Variants in UNC5D observed in about 807,000 individuals in gnomAD.
UNC5D encodes the protein netrin receptor UNC5D.
UNC5D carries 39 observed loss-of-function variants against 105.4 expected under a neutral mutation model. That is an observed-to-expected ratio of 0.37 (90% CI 0.29 to 0.48). The LOEUF (loss-of-function observed/expected upper bound fraction) is 0.48. UNC5D is among the 20% of genes least tolerant of loss of function. UNC5D has a pLI of 0.98. For synonymous variants in UNC5D, 452 were observed against 450.4 expected (o/e 1.00, Z -0.04); for missense variants, 991 against 1,202.4 (o/e 0.82, Z 2.60).
intron 2 of UNC5D, 43 bp from the exon 3 acceptor site, chr8:35,568,055 T>C (rs1327212802): frequency 1.9e-6 from 3 of 1,601,338 alleles, no homozygotes. Context: ...TTGAGAAATA[T>C]AACAGCCTCA....
intron 8 of UNC5D, among the ~76,000 whole-genome samples, chr8:35,709,698 C>CAAAAT (rs532334032): frequency 1.3e-5 from 2 of 151,916 alleles, no homozygotes; most frequent in Non-Finnish European, 2.9e-5. Context: ...AAAAATAAAA[C>CAAAAT]AAAATAAAAT....
intron 3 of UNC5D, among the ~76,000 whole-genome samples, chr8:35,569,467 CA>C (rs1157927419): frequency 8.5e-5 from 13 of 152,130 alleles, no homozygotes; most frequent in Non-Finnish European, 1.8e-4. Context: ...TTTATGTTCC[CA>C]GGGGGAATGA....
intron 1 of UNC5D, among the ~76,000 whole-genome samples, chr8:35,345,167 A>G (rs922927752): frequency 1.3e-5 from 2 of 152,098 alleles, no homozygotes; most frequent in African/African-American, 4.8e-5. Context: ...GCTGAAAAGA[A>G]CGCTTGTAAT....
chr8:35,308,350 A>G (rs2128876770), intron 1 of UNC5D, among the ~76,000 whole-genome samples: 1 of 152,194 alleles, frequency 6.6e-6, no homozygotes, highest in East Asian at 1.9e-4. Context: ...GAATCCAAGG[A>G]CACTCTTACC....
chr8:35,587,730 C>A (rs1482359937), intron 3 of UNC5D, among the ~76,000 whole-genome samples: 1 of 151,878 alleles, frequency 6.6e-6, no homozygotes, highest in East Asian at 1.9e-4. Context: ...ATGTACTTCT[C>A]TTCTGGCTTC....
At chr8:35,370,006 T>C (rs1802338942) in intron 1 of UNC5D, among the ~76,000 whole-genome samples, 1 of 152,224 alleles carries the variant, frequency 6.6e-6, no homozygotes, top group South Asian at 2.1e-4. Context: ...ATATATGATC[T>C]TCCCTTTCTT....
chr8:35,413,296 G>GTGT (rs2128959884), intron 1 of UNC5D, among the ~76,000 whole-genome samples: 1 of 144,856 alleles, frequency 6.9e-6, no homozygotes, highest in African/African-American at 2.6e-5. Context: ...TGTGTGTTGT[G>GTGT]TGTGTGTGTG....
At position 35,392,649 on chromosome 8, in the gene UNC5D, C is replaced by T. The variant is rs12677534; in HGVS notation, c.104-156643C>T. On this transcript the variant is annotated intron_variant, in intron 1 of 16. Coordinates refer to ENST00000404895, the MANE Select transcript of UNC5D (RefSeq NM_080872.4). The stretch of plus-strand genomic sequence containing the variant: ...CACCTAGTAATCTAAGATACTCTAC[C>T]CATTACAAAGTCACATCGGCAAAGT... Among the ~76,000 whole-genome samples the T allele has an allele frequency of 6.2e-4, 95 of 152,264 alleles. No individual in the cohort carries two copies. In the East Asian group the frequency reaches 0.018, roughly 28 times the overall value.
At chr8:35,766,656 G>A (rs963684128) in intron 14 of UNC5D, among the ~76,000 whole-genome samples, 1 of 152,170 alleles carries the variant, frequency 6.6e-6, no homozygotes, top group Non-Finnish European at 1.5e-5. Flanking sequence ...TTGCAGTGCG[G>A]TTTTGGAATT....
chr8:35,486,899 C>G (rs758132643), intron 1 of UNC5D, among the ~76,000 whole-genome samples: 4 of 152,150 alleles, frequency 2.6e-5, no homozygotes, highest in Non-Finnish European at 5.9e-5. Flanking sequence ...TGAGAACTGG[C>G]TTTCCCAGGG....
chr8:35,630,763 A>AATT (rs1303890439), intron 4 of UNC5D, among the ~76,000 whole-genome samples: 10 of 152,168 alleles, frequency 6.6e-5, no homozygotes, highest in Non-Finnish European at 1.5e-4. Flanking sequence ...ATGCTACCAA[A>AATT]GTTATTAATT....
At position 35,468,119 on chromosome 8, in the gene UNC5D, A is replaced by G. The variant is rs1484497329; in HGVS notation, c.104-81173A>G. On this transcript the variant is annotated intron_variant, in intron 1 of 16. Transcript: ENST00000404895. ...TAAATTTCTCAATGTCAAAACCAAG[A>G]TGGCATTCAGAATGTAATAGTTGAA... Among the ~76,000 whole-genome samples, 6 of 152,300 alleles carry G rather than the reference A, an allele frequency of 3.9e-5. No homozygotes were observed. The East Asian group carries it at 1.2e-3, about 29-fold the overall frequency.
chr8:35,393,196 A>C (rs534788342), intron 1 of UNC5D, among the ~76,000 whole-genome samples: 1 of 129,252 alleles, frequency 7.7e-6, no homozygotes, highest in Non-Finnish European at 1.6e-5. Flanking sequence ...GCAGTGGCGC[A>C]ATCTCGGCTC....
chr8:35,559,603 A>G (rs140349136), intron 2 of UNC5D, among the ~76,000 whole-genome samples: 179 of 152,354 alleles, frequency 1.2e-3, no homozygotes, highest in African/African-American at 4.0e-3. Flanking sequence ...TGGGGTTGGC[A>G]TGGTACTGAA....
chr8:35,546,832 C>G (rs892549420), intron 1 of UNC5D, among the ~76,000 whole-genome samples: 85 of 152,214 alleles, frequency 5.6e-4, no homozygotes, highest in African/African-American at 1.9e-3. Context: ...GATTCCACCC[C>G]GAAACCCCTC....
chr8:35,235,908 G>A (rs938239581), intron 1 of UNC5D, 21 bp downstream of exon 1: 6 of 1,139,404 alleles, frequency 5.3e-6, no homozygotes, highest in Non-Finnish European at 6.5e-6. Flanking sequence ...GGCGGAGCGG[G>A]CAGCTGGGGG....
intron 1 of UNC5D, among the ~76,000 whole-genome samples, chr8:35,469,201 T>A (rs187093412): frequency 6.6e-6 from 1 of 152,340 alleles, no homozygotes; most frequent in African/African-American, 2.4e-5. Context: ...GGAGGAAGTA[T>A]ACTTATTAGT....
chr8:35,525,427 C>T (rs1233621815), intron 1 of UNC5D: 17 of 1,612,112 alleles, frequency 1.1e-5, no homozygotes, highest in Admixed American at 6.7e-5. Context: ...AGCTGCTGGC[C>T]CTCTAGAGAG....
intron 13 of UNC5D, among the ~76,000 whole-genome samples, chr8:35,752,426 A>T (rs55860965): frequency 0.074 from 11,330 of 152,156 alleles, 1,142 homozygotes; most frequent in African/African-American, 0.23. Context: ...TCACTCCTGA[A>T]CATAAGCCAG....
Sources: gnomAD v4.1 joint callset for allele counts (sites outside exome capture counted in the v4.1 genomes callset) on GRCh38, gnomAD v4.1.1 for gene constraint, MANE v1.5 for transcripts, NCBI Gene and HGNC (gene_info 2026-07-23, HGNC 2026-07-21) for gene names.